SHANK2: variants seen among roughly 807,000 people sequenced by gnomAD.
SHANK2 encodes the protein SH3 and multiple ankyrin repeat domains protein 2.
SHANK2 carries 43 observed loss-of-function variants against 133.7 expected under a neutral mutation model. The ratio of observed to expected loss-of-function variants is 0.32; its 90% confidence interval spans 0.25 to 0.41. SHANK2 has a LOEUF of 0.41. Ranked by LOEUF, SHANK2 falls within the 10% of genes least tolerant of loss-of-function variation. The pLI is 1.00. For synonymous variants in SHANK2, 1,017 were observed against 952.8 expected (o/e 1.07, Z -1.24); for missense variants, 1,994 against 2,235.8 (o/e 0.89, Z 2.18).
At position 70,473,571 on chromosome 11, in the gene SHANK2, G is replaced by T; in HGVS notation, c.4980-132C>A. The T allele has an allele frequency of 1.2e-6, 1 of 843,432 alleles. No individual in the cohort carries two copies. Among genetic ancestry groups the T allele is most frequent in the Non-Finnish European group, 1.9e-6 (1 of 514,628 alleles). 52.2% of individuals were successfully genotyped at this position (843,432 alleles called of 1,614,324 possible). The stretch of plus-strand genomic sequence containing the variant: ...GTGTCTAGTGGCAGATCCACTGGCA[G>T]TGAACGAATGATTTGCCATGCCAGG... On this transcript the variant is annotated intron_variant, in intron 25 of 25. Transcript: ENST00000601538. This position sits in a 1 kb window ranked among gnomAD's most constrained non-coding sequence, Gnocchi z 5.9.
At chr11:70,657,569 C>T (rs2061419464) in intron 17 of SHANK2, among the ~76,000 whole-genome samples, 1 of 152,176 alleles carries the variant, frequency 6.6e-6, no homozygotes, top group African/African-American at 2.4e-5. Flanking sequence ...CAGCTGCCTG[C>T]ACCCCGCACC....
intron 10 of SHANK2, among the ~76,000 whole-genome samples, chr11:70,922,806 T>G (rs1333693358): frequency 1.3e-5 from 2 of 150,964 alleles, no homozygotes; most frequent in East Asian, 3.9e-4. Flanking sequence ...GATGTAGGAG[T>G]GGTGAGTTTC....
chr11:70,741,239 C>G (rs902197577), intron 14 of SHANK2, among the ~76,000 whole-genome samples: 3 of 129,320 alleles, frequency 2.3e-5, no homozygotes, highest in Admixed American at 7.2e-5. Flanking sequence ...ATGCATCCAT[C>G]CATCCATCCA....
intron 17 of SHANK2, among the ~76,000 whole-genome samples, chr11:70,642,223 C>T (rs2061193126): frequency 6.6e-6 from 1 of 152,136 alleles, no homozygotes. Flanking sequence ...TCAAACCATC[C>T]TGCCTAGCTA....
At chr11:70,704,442 C>T (rs1220987260) in intron 14 of SHANK2, among the ~76,000 whole-genome samples, 3 of 152,200 alleles carry the variant, frequency 2.0e-5, no homozygotes, top group African/African-American at 7.2e-5. Flanking sequence ...CTCAGGAGGC[C>T]AAGCAGCCCA....
At chr11:70,510,564 C>G (rs2059191586) in intron 17 of SHANK2, among the ~76,000 whole-genome samples, 1 of 152,206 alleles carries the variant, frequency 6.6e-6, no homozygotes, top group African/African-American at 2.4e-5. Context: ...GCCACTGGAC[C>G]CAGCTGTCTG....
At chr11:70,590,027 C>T (rs1414527024) in intron 17 of SHANK2, among the ~76,000 whole-genome samples, 16 of 152,148 alleles carry the variant, frequency 1.1e-4, no homozygotes, top group East Asian at 9.6e-4. Flanking sequence ...CGGTGGCGGG[C>T]GCCTGTAGTT....
chr11:70,693,265 A>G (rs1234844311), intron 15 of SHANK2, among the ~76,000 whole-genome samples: 1 of 152,122 alleles, frequency 6.6e-6, no homozygotes, highest in African/African-American at 2.4e-5. Flanking sequence ...ACGCCCTCCA[A>G]TGCCTCCACT....
intron 17 of SHANK2, among the ~76,000 whole-genome samples, chr11:70,636,581 G>A (rs1459299549): frequency 1.2e-3 from 65 of 52,274 alleles, no homozygotes; most frequent in Middle Eastern, 0.014. Flanking sequence ...GTGTATGAAT[G>A]TGAGTCTGTG....
chr11:70,568,918 G>A (rs1311683479), intron 17 of SHANK2, among the ~76,000 whole-genome samples: 1 of 152,186 alleles, frequency 6.6e-6, no homozygotes, highest in Non-Finnish European at 1.5e-5. Context: ...TGAGAAGCCT[G>A]CCTGTGTCCA....
At chr11:70,919,496 C>T (rs1227989910) in intron 10 of SHANK2, among the ~76,000 whole-genome samples, 2 of 152,150 alleles carry the variant, frequency 1.3e-5, no homozygotes, top group African/African-American at 4.8e-5. Context: ...AATTCTCCTG[C>T]CTCAGCCTCC....
intron 15 of SHANK2, among the ~76,000 whole-genome samples, chr11:70,686,125 TCCATCCAC>T (rs1945143901): frequency 2.2e-5 from 3 of 133,888 alleles, no homozygotes; most frequent in African/African-American, 5.7e-5. Flanking sequence ...CATCCATCCA[TCCATCCAC>T]CCATCCACAC....
At chr11:70,924,165 C>T (rs1261961517) in intron 10 of SHANK2, among the ~76,000 whole-genome samples, 2 of 152,172 alleles carry the variant, frequency 1.3e-5, no homozygotes, top group South Asian at 2.1e-4. Context: ...CTGCCACACT[C>T]CCCACCACCC....
chr11:71,196,988 ACT>A (rs2135603459), intron 2 of SHANK2, among the ~76,000 whole-genome samples: 1 of 108,884 alleles, frequency 9.2e-6, no homozygotes, highest in African/African-American at 4.1e-5. Flanking sequence ...ACAGAGTGAG[ACT>A]CTGTCTCAAA....
chr11:70,949,119 A>G (rs1200306363), intron 10 of SHANK2, among the ~76,000 whole-genome samples: 1 of 152,184 alleles, frequency 6.6e-6, no homozygotes, highest in Non-Finnish European at 1.5e-5. Flanking sequence ...AATACACTGG[A>G]TAAACACACC....
intron 1 of SHANK2, among the ~76,000 whole-genome samples, chr11:71,238,350 T>C (rs1954848623): frequency 6.6e-6 from 1 of 152,192 alleles, no homozygotes; most frequent in African/African-American, 2.4e-5. Flanking sequence ...CAGTTGGCGG[T>C]ACGTGGATGC....
chr11:71,244,560 C>G (rs1954936979), intron 1 of SHANK2, among the ~76,000 whole-genome samples: 1 of 152,192 alleles, frequency 6.6e-6, no homozygotes, highest in Non-Finnish European at 1.5e-5. Context: ...CATCCTCTCC[C>G]AAGTGCACAA....
intron 3 of SHANK2, among the ~76,000 whole-genome samples, chr11:71,138,853 G>A (rs539011373): frequency 6.6e-6 from 1 of 151,812 alleles, no homozygotes; most frequent in Non-Finnish European, 1.5e-5. Context: ...AGTCCATTTG[G>A]AAGCAGCAGA....
chr11:71,092,497 G>A lies in SHANK2; in HGVS notation c.837C>T (p.Tyr279=). The part of the protein sequence containing the change: ...YHTAIVGGDP[Y]CCELLLHEHA... The stretch of plus-strand genomic sequence containing the variant: ...GTTCGTGCAGGAGAAGCTCGCAGCA[G>A]TAGGGATCACCTCCGACGATGGCTG... The change falls in exon 8 of 26, where the codon TAC becomes TAT. Residue 279 remains tyrosine, a synonymous_variant. Coordinates refer to ENST00000601538, the MANE Select transcript of SHANK2 (RefSeq NM_012309.5). 6.4e-7 allele frequency: 1 copy of A among 1,551,790 alleles called. No individual in the cohort carries two copies. Among genetic ancestry groups the A allele is most frequent in the Non-Finnish European group, 8.7e-7 (1 of 1,147,024 alleles).
Sources: allele counts gnomAD v4.1 joint callset (sites outside exome capture counted in the v4.1 genomes callset), GRCh38; gene constraint gnomAD v4.1.1; non-coding constraint Gnocchi (gnomAD v3.1); transcripts MANE v1.5; gene names NCBI Gene and HGNC (gene_info 2026-07-23, HGNC 2026-07-21).